The following RAPGEF6 variants were observed in gnomAD, a reference collection of about 807,000 sequenced individuals.
RAPGEF6 encodes Rap guanine nucleotide exchange factor 6.
RAPGEF6 carries 56 observed loss-of-function variants against 171.4 expected under a neutral mutation model. That is an observed-to-expected ratio of 0.33 (90% CI 0.26 to 0.41). The LOEUF is 0.41. Ranked by LOEUF, RAPGEF6 falls within the 10% of genes least tolerant of loss-of-function variation. RAPGEF6 has a pLI of 1.00. For missense variants in RAPGEF6, 1,674 were observed against 1,921.4 expected (o/e 0.87, Z 2.41); for synonymous variants, 692 against 650.1 (o/e 1.06, Z -0.98).
At chr5:131,569,722 T>C (rs1475759368) in intron 4 of RAPGEF6, among the ~76,000 whole-genome samples, 2 of 152,078 alleles carry the variant, frequency 1.3e-5, no homozygotes, top group African/African-American at 4.8e-5. Context: ...TATTAAAGTT[T>C]TATGCTTCAA....
rs150014242 is a variant in RAPGEF6 at position 131,596,865 on chromosome 5, G to A, written c.198-4399C>T. 4.3e-3 allele frequency among the ~76,000 whole-genome samples: 655 copies of A among 152,198 alleles called. 2 individuals carry two copies. The highest frequency in any genetic ancestry group is 6.0e-3 in the South Asian group (29 of 4,828). Reference sequence around the variant, plus strand: ...TTAAAGCGAAGACCTCAAAACACAGGCAACAGAAACAAAAACAGATAAATC... The same window carrying A: ...TTAAAGCGAAGACCTCAAAACACAGACAACAGAAACAAAAACAGATAAATC... On this transcript the variant is annotated intron_variant, in intron 3 of 27. Transcript: ENST00000509018.
At chr5:131,612,652 A>G (rs574859099) in intron 1 of RAPGEF6, among the ~76,000 whole-genome samples, 2 of 152,304 alleles carry the variant, frequency 1.3e-5, no homozygotes, top group Admixed American at 1.3e-4. Flanking sequence ...TTCTGGTGGC[A>G]AACAAGTTCT....
At chr5:131,508,542 T>C (rs1266897463) in intron 8 of RAPGEF6, among the ~76,000 whole-genome samples, 2 of 152,200 alleles carry the variant, frequency 1.3e-5, no homozygotes, top group African/African-American at 2.4e-5. Flanking sequence ...TTTGATCTAA[T>C]AGGTTAGTGA....
At chr5:131,579,115 G>A (rs1305474644) in intron 4 of RAPGEF6, among the ~76,000 whole-genome samples, 2 of 152,168 alleles carry the variant, frequency 1.3e-5, no homozygotes, top group African/African-American at 4.8e-5. Flanking sequence ...GAAGCTGCAG[G>A]CCTTCGCGGT....
chr5:131,513,201 C>T (rs1344215363), intron 7 of RAPGEF6, among the ~76,000 whole-genome samples: 3 of 152,076 alleles, frequency 2.0e-5, no homozygotes, highest in Non-Finnish European at 4.4e-5. Flanking sequence ...AATATGTGTA[C>T]ATGCTAAAAA....
chr5:131,580,787 T>C (rs1405499447), intron 4 of RAPGEF6, among the ~76,000 whole-genome samples: 3 of 152,126 alleles, frequency 2.0e-5, no homozygotes, highest in Non-Finnish European at 4.4e-5. Flanking sequence ...ACATTTCCAG[T>C]TCTGACTGAC....
Position 131,451,569 on chromosome 5 carries a change from A to AC in RAPGEF6, c.3200+1484dup, listed in dbSNP as rs920519197. 3.9e-5 allele frequency among the ~76,000 whole-genome samples: 6 copies of AC among 152,102 alleles called. 1 individual carries two copies. On this transcript the variant is annotated intron_variant, in intron 21 of 27. Coordinates refer to ENST00000509018, the MANE Select transcript of RAPGEF6 (RefSeq NM_016340.6). Reference sequence around the variant, plus strand: ...CCACCACTGCACTTCGGCCTGGGCAACCAGAGTGAGAGACCCTGTCTCAAA... The same window carrying AC: ...CCACCACTGCACTTCGGCCTGGGCAACCCAGAGTGAGAGACCCTGTCTCAAA...
chr5:131,510,398 C>G lies in RAPGEF6; in HGVS notation c.721G>C (p.Asp241His), dbSNP rs757389222. Residue 241 changes from aspartate to histidine, a missense_variant, in exon 8 of 28, where the codon GAT (aspartate) becomes CAT (histidine). Asp to His is a moderately conservative substitution (Grantham distance 81). This residue lies in a region of RAPGEF6 where 1,116 missense variants were observed against 1,321.5 expected (regional missense o/e 0.84). Transcript: ENST00000509018. ...EDDEEEDEEI[D>H]RTDPLQGRDL... ...CGCCCCTGCAATGGATCTGTTCGATCAATCTCTTCATCTTCCTCTTCGTCA... is the reference window on the plus strand; with the variant it reads ...CGCCCCTGCAATGGATCTGTTCGATGAATCTCTTCATCTTCCTCTTCGTCA... 31 of 1,614,060 alleles carry G rather than the reference C, an allele frequency of 1.9e-5. No individual in the cohort carries two copies. Among genetic ancestry groups the G allele is most frequent in the Non-Finnish European group, 2.5e-5 (30 of 1,180,044 alleles).
chr5:131,629,590 C>CA (rs34845240), intron 1 of RAPGEF6, among the ~76,000 whole-genome samples: 59,911 of 116,852 alleles, frequency 0.51, 15,224 homozygotes, highest in Non-Finnish European at 0.62. Flanking sequence ...CTCGTCTCTA[C>CA]AAAAAAAAAA....
At chr5:131,574,570 A>G (rs1762494328) in intron 4 of RAPGEF6, among the ~76,000 whole-genome samples, 1 of 152,122 alleles carries the variant, frequency 6.6e-6, no homozygotes, top group Non-Finnish European at 1.5e-5. Flanking sequence ...AACTTGGACA[A>G]CATTCTTTTA....
chr5:131,430,976 C>G lies in RAPGEF6; in HGVS notation c.4348G>C (p.Val1450Leu). 11 of 1,614,190 alleles carry G rather than the reference C, an allele frequency of 6.8e-6. No individual in the cohort carries two copies. Among genetic ancestry groups the G allele is most frequent in the African/African-American group, 2.7e-5 (2 of 75,048 alleles). The change falls in exon 26 of 28, where the codon GTT (valine) becomes CTT (leucine). Residue 1450 changes from valine to leucine, a missense_variant. Around this residue, in one of 3 missense-constraint regions of RAPGEF6, gnomAD observed 552 missense variants for 574.2 expected, o/e 0.96. Coordinates refer to ENST00000509018, the MANE Select transcript of RAPGEF6 (RefSeq NM_016340.6). ...GTGCTCTCCAATACTCTCTGTTTAA[C>G]TGTCCCATAGTTTGGTTCATACGTG... is the stretch of plus-strand genomic sequence containing the variant. ...SDTYEPNYGT[V>L]KQRVLESTPA... is the part of the protein sequence containing the mutation.
chr5:131,583,397 G>A (rs978517084), intron 4 of RAPGEF6, among the ~76,000 whole-genome samples: 3 of 152,154 alleles, frequency 2.0e-5, no homozygotes, highest in African/African-American at 7.2e-5. Context: ...AAGACCTAAG[G>A]CCATGCAAGG....
intron 4 of RAPGEF6, among the ~76,000 whole-genome samples, chr5:131,588,253 A>T (rs1365718127): frequency 6.6e-6 from 1 of 152,174 alleles, no homozygotes; most frequent in Non-Finnish European, 1.5e-5. Flanking sequence ...ACTGAACTAG[A>T]GACTTCTACC....
chr5:131,573,971 T>C (rs1417569881), intron 4 of RAPGEF6, among the ~76,000 whole-genome samples: 3 of 152,100 alleles, frequency 2.0e-5, no homozygotes, highest in African/African-American at 7.2e-5. Flanking sequence ...CTTCAAGGTG[T>C]TCAATAACAG....
rs535231757 is a variant in RAPGEF6 at position 131,581,400 on chromosome 5, T to A, written c.281+10983A>T. ...GTCCTCTAATACCTATCTTCCTCCTTCTCTTCTTACTCAGGCCTTGGGTCT... is the reference window on the plus strand; with the variant it reads ...GTCCTCTAATACCTATCTTCCTCCTACTCTTCTTACTCAGGCCTTGGGTCT... On this transcript the variant is annotated intron_variant, in intron 4 of 27. Transcript: ENST00000509018. Among the ~76,000 whole-genome samples the A allele has an allele frequency of 9.2e-4, 140 of 152,036 alleles. 1 individual carries two copies. The highest frequency in any genetic ancestry group is 1.7e-3 in the Non-Finnish European group (114 of 68,008).
At position 131,495,561 on chromosome 5, in the gene RAPGEF6, C is replaced by G. The variant is rs768393907; in HGVS notation, c.1519G>C (p.Glu507Gln). Residue 507 changes from glutamate (E) to glutamine (Q), a missense_variant, in exon 13 of 28, where the codon GAA (glutamate) becomes CAA (glutamine). By Grantham distance (29) the Glu-to-Gln change is conservative. Around this residue, in one of 3 missense-constraint regions of RAPGEF6, gnomAD observed 1,116 missense variants for 1,321.5 expected, o/e 0.84. Transcript: ENST00000509018. ...RFLEEFEKNL[E>Q]DTKMNGHLRL... ...ATTATTTTGAGCCTTACTGTATCTT[C>G]CAGATTTTTTTCAAATTCCTCTAGA... is the stretch of plus-strand genomic sequence containing the variant. 6.2e-7 allele frequency: 1 copy of G among 1,613,178 alleles called. No homozygotes were observed. Among genetic ancestry groups the G allele is most frequent in the African/African-American group, 1.3e-5 (1 of 74,992 alleles).
intron 5 of RAPGEF6, among the ~76,000 whole-genome samples, chr5:131,560,849 TAAGA>T (rs1761553880): frequency 6.6e-6 from 1 of 152,226 alleles, no homozygotes. Flanking sequence ...TGATCCAGTT[TAAGA>T]AAGAGAAAAC....
chr5:131,532,708 G>C (rs1402085863), intron 6 of RAPGEF6, among the ~76,000 whole-genome samples: 1 of 151,920 alleles, frequency 6.6e-6, no homozygotes, highest in African/African-American at 2.4e-5. Flanking sequence ...ATGGCAGTTA[G>C]ATGATATATG....
chr5:131,537,564 G>A (rs966475878), intron 6 of RAPGEF6, among the ~76,000 whole-genome samples: 11 of 151,958 alleles, frequency 7.2e-5, no homozygotes, highest in South Asian at 2.1e-4. Flanking sequence ...AGAATACTTC[G>A]TTACACTCAT....
Sources: allele counts gnomAD v4.1 joint callset (sites outside exome capture counted in the v4.1 genomes callset), GRCh38; gene constraint gnomAD v4.1.1; regional missense constraint gnomAD v4.1.1; transcripts MANE v1.5; gene names NCBI Gene and HGNC (gene_info 2026-07-23, HGNC 2026-07-21).